GNPAT: variants seen among roughly 807,000 people sequenced by gnomAD.
GNPAT encodes the protein glyceronephosphate O-acyltransferase.
Under a neutral mutation model 78.4 loss-of-function variants are expected in GNPAT, and 30 were observed. The ratio of observed to expected loss-of-function variants is 0.38; its 90% CI spans 0.29 to 0.52. GNPAT has a LOEUF of 0.52. GNPAT is among the 20% of genes least tolerant of loss of function. GNPAT has a pLI of 0.84. For synonymous variants in GNPAT, 271 were observed against 281.1 expected, an observed-to-expected ratio of 0.96 and a Z score of 0.36; for missense variants, 714 against 812.2, an observed-to-expected ratio of 0.88 and a Z score of 1.47.
chr1:231,250,979 G>T lies in GNPAT; in HGVS notation c.97G>T (p.Asp33Tyr), dbSNP rs1684880163. ...LLYSKELKKW[D>Y]EFEDILEERR... ...TCCACAGAAGGAGCTCAAAAAGTGG[G>T]ATGAGTTTGAAGATATTTTAGAAGA... Residue 33 changes from aspartate to tyrosine, a missense_variant, in exon 2 of 16, where the codon GAT becomes TAT. By Grantham distance (160) the Asp-to-Tyr change is radical. Coordinates refer to ENST00000366647, the MANE Select transcript of GNPAT (RefSeq NM_014236.4). 1 of 1,611,186 alleles carries T rather than the reference G, an allele frequency of 6.2e-7. No individual in the cohort carries two copies. The highest frequency in any genetic ancestry group is 1.3e-5 in the African/African-American group (1 of 74,976).
chr1:231,249,188 T>C (rs1684827212), intron 1 of GNPAT, among the ~76,000 whole-genome samples: 1 of 152,204 alleles, frequency 6.6e-6, no homozygotes, highest in Non-Finnish European at 1.5e-5. Flanking sequence ...ATGAGAAATG[T>C]GGGATTTGAG....
chr1:231,272,428 G>A, intron 11 of GNPAT, 37 bp downstream of exon 11: 2 of 1,089,402 alleles, frequency 1.8e-6, no homozygotes, highest in Non-Finnish European at 1.4e-6. Context: ...TATGTTTGCA[G>A]TGTGAGTTCT....
At chr1:231,274,103 C>G (rs1341027471) in intron 12 of GNPAT, 41 bp downstream of exon 12, 2 of 1,552,698 alleles carry the variant, frequency 1.3e-6, no homozygotes. Context: ...CCCCCCATAT[C>G]AAATATAATA....
intron 11 of GNPAT, 123 bp from the exon 12 acceptor site, chr1:231,273,799 A>G: frequency 1.3e-6 from 1 of 764,788 alleles, no homozygotes; most frequent in African/African-American, 1.7e-5. Context: ...GTCTGAGGGC[A>G]TGTGGCTGCA....
At chr1:231,241,673 C>T (rs1419054641) in intron 1 of GNPAT, among the ~76,000 whole-genome samples, 2 of 152,238 alleles carry the variant, frequency 1.3e-5, no homozygotes, top group African/African-American at 4.8e-5. Flanking sequence ...ATTATGGTTC[C>T]TTTGGTTCCT....
Position 231,260,619 on chromosome 1 carries a change from C to T in GNPAT, c.374C>T (p.Thr125Ile). 2 of 1,613,188 alleles carry T rather than the reference C, an allele frequency of 1.2e-6. No homozygotes were observed. The highest frequency in any genetic ancestry group is 1.7e-6 in the Non-Finnish European group (2 of 1,179,446). Residue 125 changes from threonine (T) to isoleucine (I), a missense_variant, in exon 3 of 16, where the codon ACC (threonine) becomes ATC (isoleucine). Coordinates refer to ENST00000366647, the MANE Select transcript of GNPAT (RefSeq NM_014236.4). ...GGAGCCATTCGGTTTTGTGCCTTCA[C>T]CCTGAGCAAAGTATTTAAACAAATT... ...RLGAIRFCAF[T>I]LSKVFKQIFS... is the part of the protein sequence containing the mutation.
intron 9 of GNPAT, among the ~76,000 whole-genome samples, chr1:231,269,099 G>T (rs1327117431): frequency 6.6e-6 from 1 of 151,386 alleles, no homozygotes; most frequent in East Asian, 2.0e-4. Context: ...CTGGGTTGCA[G>T]AGGGCAGGGT....
intron 2 of GNPAT, among the ~76,000 whole-genome samples, chr1:231,254,438 G>A (rs115594314): frequency 0.031 from 4,730 of 151,930 alleles, 154 homozygotes; most frequent in African/African-American, 0.081. Flanking sequence ...CAGTGTCACA[G>A]TGAAAAATTT....
chr1:231,251,805 T>A (rs1210227690), intron 2 of GNPAT, among the ~76,000 whole-genome samples: 1 of 152,224 alleles, frequency 6.6e-6, no homozygotes, highest in Non-Finnish European at 1.5e-5. Context: ...AGGTTGAGCC[T>A]ATTCCATTAA....
At chr1:231,249,479 G>A (rs947332422) in intron 1 of GNPAT, among the ~76,000 whole-genome samples, 2 of 152,094 alleles carry the variant, frequency 1.3e-5, no homozygotes, top group Non-Finnish European at 2.9e-5. Context: ...TTCAGTTATT[G>A]ACCAATTATG....
At chr1:231,265,573 C>A in intron 5 of GNPAT, 139 bp from the exon 6 acceptor site, 1 of 886,392 alleles carries the variant, frequency 1.1e-6, no homozygotes, top group Non-Finnish European at 1.9e-6. Context: ...ATCTGTGTGA[C>A]TCTCTTGTTT....
chr1:231,260,922 C>T (rs924113455), intron 3 of GNPAT, among the ~76,000 whole-genome samples: 5 of 152,270 alleles, frequency 3.3e-5, no homozygotes, highest in African/African-American at 1.2e-4. Flanking sequence ...CTACAGGCTT[C>T]AGACTAACTT....
At chr1:231,269,871 A>T (rs1224847283) in intron 9 of GNPAT, 1 of 152,150 alleles carries the variant, frequency 6.6e-6, no homozygotes, top group Non-Finnish European at 1.5e-5. Context: ...AGATTACCCC[A>T]CATTCCTAAG....
intron 1 of GNPAT, among the ~76,000 whole-genome samples, chr1:231,244,726 G>A (rs953507437): frequency 1.3e-5 from 2 of 152,182 alleles, no homozygotes; most frequent in Non-Finnish European, 2.9e-5. Flanking sequence ...AAGAGAGGGG[G>A]TCTGGCCTAA....
Position 231,273,940 on chromosome 1 carries a change from T to TA in GNPAT, c.1622dup (p.Tyr541Ter). The TA allele has an allele frequency of 5.0e-6, 8 of 1,613,410 alleles. No individual in the cohort carries two copies. The highest frequency in any genetic ancestry group is 6.8e-6 in the Non-Finnish European group (8 of 1,179,328). ...CTTCTAGGACTTTGAAGAAGGCTGT[T>TA]ACCTGCTTTGTAAAAGTGAAGCCAT... ...NTLKDFEEGCYLLCKSEAIQV... is the reference protein window; with the variant it reads ...NTLKDFEEGC The change falls in exon 12 of 16, where the codon TAC (tyrosine) becomes TAAC (stop). Residue 541 changes from tyrosine (Y) to a stop codon, truncating the protein, a stop_gained and frameshift_variant. Coordinates refer to ENST00000366647, the MANE Select transcript of GNPAT (RefSeq NM_014236.4). LOFTEE classifies it high-confidence loss of function.
At chr1:231,256,067 G>C (rs988803304) in intron 2 of GNPAT, among the ~76,000 whole-genome samples, 2 of 152,104 alleles carry the variant, frequency 1.3e-5, no homozygotes, top group Non-Finnish European at 2.9e-5. Flanking sequence ...ATTCTACCCA[G>C]TCACTGGGCA....
chr1:231,273,301 G>A (rs1470999121), intron 11 of GNPAT, among the ~76,000 whole-genome samples: 1 of 144,034 alleles, frequency 6.9e-6, no homozygotes, highest in Non-Finnish European at 1.5e-5. Flanking sequence ...GCTCAGGCTA[G>A]AGTGCAGTGG....
At chr1:231,247,444 C>G (rs1207802335) in intron 1 of GNPAT, among the ~76,000 whole-genome samples, 2 of 152,096 alleles carry the variant, frequency 1.3e-5, no homozygotes, top group Non-Finnish European at 1.5e-5. Context: ...TCTTGAAAAT[C>G]CGATTATTGA....
intron 1 of GNPAT, among the ~76,000 whole-genome samples, chr1:231,247,680 T>C (rs1684786385): frequency 6.6e-6 from 1 of 152,204 alleles, no homozygotes; most frequent in Non-Finnish European, 1.5e-5. Context: ...ATCACCACTA[T>C]ATCCTCAGCA....
Sources: allele counts gnomAD v4.1 joint callset (sites outside exome capture counted in the v4.1 genomes callset), GRCh38; gene constraint gnomAD v4.1.1; transcripts MANE v1.5; gene names NCBI Gene and HGNC (gene_info 2026-07-23, HGNC 2026-07-21).